SP110: variants seen among roughly 807,000 people sequenced by gnomAD.
SP110 encodes the protein SP110 nuclear body protein.
A neutral mutation model predicts 92.7 loss-of-function variants in SP110; 62 were observed. The observed-to-expected ratio is 0.67, with a 90% confidence interval of 0.55 to 0.83. The LOEUF is 0.83. Ranked by LOEUF, SP110 falls within the 40% of genes least tolerant of loss-of-function variation. The pLI is 0.00. For synonymous variants in SP110, 273 were observed against 305.3 expected (o/e 0.89, Z 1.10); for missense variants, 793 against 863.9 (o/e 0.92, Z 1.03).
At chr2:230,225,543 A>T (rs1237811643) in exon 1 of SP110, 1 of 456,254 alleles carries the variant, frequency 2.2e-6, no homozygotes, top group African/African-American at 2.0e-5. Context: ...ACCTCAAAAC[A>T]ACTTTGATCT....
rs1223045588 is a variant in SP110, at chr2:230,167,364, G to C, written c.*1760C>G. ...TGGACTCAAGCGATCCACCTGCCTCGGCCTCCTAAAGTGCTGGGATTTCAG... is the reference window on the plus strand; with the variant it reads ...TGGACTCAAGCGATCCACCTGCCTCCGCCTCCTAAAGTGCTGGGATTTCAG... On this transcript the variant is annotated 3_prime_UTR_variant, in exon 19 of 19. Coordinates refer to ENST00000258381, the MANE Select transcript of SP110 (RefSeq NM_080424.4). 1 of 149,704 alleles carries C rather than the reference G, an allele frequency of 6.7e-6. No homozygotes were observed. The highest frequency in any genetic ancestry group is 1.5e-5 in the Non-Finnish European group (1 of 68,028). The allele number at this position is 149,704 out of a possible 1,614,324, so 9.3% of individuals were successfully genotyped here. A position where few individuals can be genotyped will look rare whatever the true frequency, so the allele number is the denominator to read the frequency against.
Position 230,177,522 on chromosome 2 carries a change from C to T in SP110, c.1590+16G>A. On this transcript the variant is annotated intron_variant, in intron 14 of 18. Coordinates refer to ENST00000258381, the MANE Select transcript of SP110 (RefSeq NM_080424.4). ...GGATTTAAACCTGTCACCTATCTGT[C>T]CCGTCATTATAATACCTTCAGCAGC... The T allele has an allele frequency of 6.2e-7, 1 of 1,613,588 alleles. No homozygotes were observed.
chr2:230,182,770 G>A (rs2042185754), intron 12 of SP110, among the ~76,000 whole-genome samples: 1 of 152,170 alleles, frequency 6.6e-6, no homozygotes, highest in Non-Finnish European at 1.5e-5. Flanking sequence ...TAGGATACAT[G>A]CCATTTTCTG....
chr2:230,200,777 C>T (rs2043099987), intron 10 of SP110, 108 bp downstream of exon 10: 17 of 881,894 alleles, frequency 1.9e-5, no homozygotes, highest in South Asian at 1.9e-4. Flanking sequence ...CTCTCTAGCA[C>T]AGTAATAATG....
chr2:230,200,481 G>A (rs542003524), intron 10 of SP110: 2 of 198,234 alleles, frequency 1.0e-5, no homozygotes, highest in South Asian at 1.6e-4. Context: ...GAGAAATATG[G>A]AGATTGGAAT....
At chr2:230,225,516 C>T in intron 1 of SP110, 1 of 401,490 alleles carries the variant, frequency 2.5e-6, no homozygotes. Context: ...TTTACTTCCT[C>T]CTCATGATGC....
At chr2:230,212,467 A>T (rs199520216) in intron 4 of SP110, 37 bp from the exon 5 acceptor site, 1 of 1,470,000 alleles carries the variant, frequency 6.8e-7, no homozygotes. Context: ...GATTGCAGGG[A>T]CTGGATGTCA....
Position 230,199,360 on chromosome 2 carries a change from C to A in SP110, c.1129+1525G>T, listed in dbSNP as rs183260624. On this transcript the variant is annotated intron_variant, in intron 10 of 18. Transcript: ENST00000258381. ...TGTAGCTGGGATTACAGGCGCCCACCACCACGCCTGGCTAGTTTTTGTATT... is the reference window on the plus strand; with the variant it reads ...TGTAGCTGGGATTACAGGCGCCCACAACCACGCCTGGCTAGTTTTTGTATT... Among the ~76,000 whole-genome samples, 3 of 151,556 alleles carry A rather than the reference C, an allele frequency of 2.0e-5. No homozygotes were observed. The East Asian group carries it at 5.8e-4, about 29-fold the overall frequency.
chr2:230,223,048 T>C (rs1574834841), upstream of SP110, among the ~76,000 whole-genome samples: 1 of 151,472 alleles, frequency 6.6e-6, no homozygotes, highest in East Asian at 1.9e-4. Flanking sequence ...ACTTTTTTTT[T>C]TTTTTTTGAG....
intron 10 of SP110, among the ~76,000 whole-genome samples, chr2:230,193,104 T>C (rs1370146691): frequency 1.3e-5 from 2 of 152,236 alleles, no homozygotes; most frequent in Non-Finnish European, 2.9e-5. Flanking sequence ...CATTATATAA[T>C]GACCTTCTTT....
intron 10 of SP110, among the ~76,000 whole-genome samples, chr2:230,197,123 T>C (rs1437696681): frequency 2.0e-5 from 3 of 152,172 alleles, no homozygotes; most frequent in Admixed American, 6.5e-5. Context: ...ACCACACCGA[T>C]TTCCACAATG....
chr2:230,189,068 T>C (rs144804006), intron 10 of SP110, among the ~76,000 whole-genome samples: 7 of 141,390 alleles, frequency 5.0e-5, no homozygotes, highest in Non-Finnish European at 1.1e-4. Context: ...GTTTCATTTC[T>C]AGTTGAGTTT....
At chr2:230,209,904 C>A (rs200011354) in intron 7 of SP110, 27 bp downstream of exon 7, 23 of 1,373,884 alleles carry the variant, frequency 1.7e-5, no homozygotes, top group South Asian at 2.3e-5. Flanking sequence ...ACCCTTCTGA[C>A]CTCTACAGAA....
At position 230,166,032 on chromosome 2, in the gene SP110, T is replaced by C. The variant is rs778957235; in HGVS notation, c.*3092A>G. 3.9e-5 allele frequency among the ~76,000 whole-genome samples: 6 copies of C among 151,930 alleles called. No individual in the cohort carries two copies. Among genetic ancestry groups the C allele is most frequent in the Non-Finnish European group, 8.8e-5 (6 of 67,988 alleles). ...CCTCAGCCTCTTGAGTAGCTGGGACTACAGGCGCCCGCCACCACGCCTGGC... is the reference window on the plus strand; with the variant it reads ...CCTCAGCCTCTTGAGTAGCTGGGACCACAGGCGCCCGCCACCACGCCTGGC... On this transcript the variant is annotated 3_prime_UTR_variant, in exon 19 of 19. Coordinates refer to ENST00000258381, the MANE Select transcript of SP110 (RefSeq NM_080424.4).
At chr2:230,183,709 T>G (rs1309009872) in intron 11 of SP110, 69 bp from the exon 12 acceptor site, 5 of 1,036,276 alleles carry the variant, frequency 4.8e-6, no homozygotes, top group Non-Finnish European at 7.6e-6. Flanking sequence ...GTTAACAATC[T>G]TCAAGCATTT....
chr2:230,166,740 T>C lies in SP110; in HGVS notation c.*2384A>G, dbSNP rs1016029499. ...TACTGTTGGAGAAGGGAGACACCAA[T>C]ACAGAACCGAGGAAGACAAGGAAGA... On this transcript the variant is annotated 3_prime_UTR_variant, in exon 19 of 19. Transcript: ENST00000258381. 6.6e-6 allele frequency among the ~76,000 whole-genome samples: 1 copy of C among 152,044 alleles called. No homozygotes were observed. Among genetic ancestry groups the C allele is most frequent in the Non-Finnish European group, 1.5e-5 (1 of 68,004 alleles).
intron 10 of SP110, among the ~76,000 whole-genome samples, chr2:230,196,845 A>T (rs1422472011): frequency 1.3e-5 from 2 of 152,146 alleles, no homozygotes; most frequent in African/African-American, 4.8e-5. Flanking sequence ...TTCCAGTTTC[A>T]TCCATGTCCC....
Position 230,170,636 on chromosome 2 carries a change from A to T in SP110, c.2013T>A (p.His671Gln). 5.0e-6 allele frequency: 8 copies of T among 1,614,128 alleles called. No homozygotes were observed. The highest frequency in any genetic ancestry group is 6.8e-6 in the Non-Finnish European group (8 of 1,180,012). ...VRDMRLMFRNHKTFYKASDFG... is the reference protein window; with the variant it reads ...VRDMRLMFRNQKTFYKASDFG... ...TGCTCTTTACCTTGTAAAATGTTTT[A>T]TGGTTGCGAAACATCAGGCGCATGT... Residue 671 changes from histidine (H) to glutamine (Q), a missense_variant, in exon 18 of 19, where the codon CAT becomes CAA. Coordinates refer to ENST00000258381, the MANE Select transcript of SP110 (RefSeq NM_080424.4).
At chr2:230,196,649 G>C (rs896237410) in intron 10 of SP110, among the ~76,000 whole-genome samples, 1 of 151,452 alleles carries the variant, frequency 6.6e-6, no homozygotes, top group African/African-American at 2.4e-5. Context: ...CCATTAACTC[G>C]TCATTTAGCA....
Sources: allele counts gnomAD v4.1 joint callset (sites outside exome capture counted in the v4.1 genomes callset), GRCh38; gene constraint gnomAD v4.1.1; transcripts MANE v1.5; gene names NCBI Gene and HGNC (gene_info 2026-07-23, HGNC 2026-07-21).